The following LIPA variants were observed in gnomAD, a reference collection of about 807,000 sequenced individuals.
LIPA encodes lipase A, lysosomal acid type.
In LIPA, 26 loss-of-function variants were observed where a neutral mutation model predicts 40.6. The observed-to-expected ratio is 0.64, with a 90% CI of 0.47 to 0.89. LIPA has a LOEUF of 0.89. LIPA is among the 40% of genes least tolerant of loss of function. LIPA has a pLI of 0.00. For missense variants in LIPA, 455 were observed against 479.6 expected, an observed-to-expected ratio of 0.95 and a Z score of 0.48; for synonymous variants, 188 against 168.4, an observed-to-expected ratio of 1.12 and a Z score of -0.90.
chr10:89,247,379 C>CAAAAAAAAAAAAAA (rs71022556), intron 2 of LIPA, among the ~76,000 whole-genome samples, 159 bp downstream of exon 2: 5 of 75,448 alleles, frequency 6.6e-5, no homozygotes, highest in Non-Finnish European at 7.2e-5. Flanking sequence ...GACTCTGCCT[C>CAAAAAAAAAAAAAA]AAAAAAAAAA....
chr10:89,382,134 A>T (rs1259713971), intron 2 of LIPA, among the ~76,000 whole-genome samples: 3 of 152,078 alleles, frequency 2.0e-5, no homozygotes, highest in Non-Finnish European at 4.4e-5. Flanking sequence ...TTGTGATTAG[A>T]TTATGGTTAT....
chr10:89,391,001 T>C (rs573300970), intron 2 of LIPA, among the ~76,000 whole-genome samples: 2 of 152,314 alleles, frequency 1.3e-5, no homozygotes, highest in East Asian at 1.9e-4. Flanking sequence ...ACTTTCTAAC[T>C]AGTTGTTGAA....
intron 2 of LIPA, among the ~76,000 whole-genome samples, chr10:89,389,349 C>T (rs1400267907): frequency 6.6e-6 from 1 of 152,272 alleles, no homozygotes; most frequent in East Asian, 1.9e-4. Context: ...CACTACAATG[C>T]CTTCATTTAA....
chr10:89,370,385 G>A (rs1041115427), intron 2 of LIPA, among the ~76,000 whole-genome samples: 9 of 151,336 alleles, frequency 5.9e-5, no homozygotes, highest in East Asian at 3.9e-4. Context: ...CCACCACATC[G>A]GGCTAAGTTT....
chr10:89,263,894 G>T (rs1312674522), intron 1 of LIPA, among the ~76,000 whole-genome samples: 7 of 152,378 alleles, frequency 4.6e-5, no homozygotes, highest in Non-Finnish European at 1.5e-5. Context: ...GGGGTGGGCA[G>T]CTGCAGGCAC....
At chr10:89,295,015 T>TAG (rs1843404066) in intron 1 of LIPA, among the ~76,000 whole-genome samples, 8 of 60,258 alleles carry the variant, frequency 1.3e-4, no homozygotes, top group Admixed American at 1.3e-3. Flanking sequence ...GGAAAGGAAA[T>TAG]GAAATGAAAG....
At chr10:89,396,637 C>T (rs1031265453) in intron 2 of LIPA, among the ~76,000 whole-genome samples, 1 of 152,154 alleles carries the variant, frequency 6.6e-6, no homozygotes, top group African/African-American at 2.4e-5. Context: ...CCCACTAGAC[C>T]CTACCTCCAA....
intron 1 of LIPA, among the ~76,000 whole-genome samples, chr10:89,336,084 TG>T (rs1202735429): frequency 7.0e-6 from 1 of 142,538 alleles, no homozygotes; most frequent in Non-Finnish European, 1.5e-5. Flanking sequence ...GAGACCACTC[TG>T]GGCAATATAG....
intron 4 of LIPA, 135 bp downstream of exon 4, chr10:89,228,065 C>G: frequency 1.3e-6 from 1 of 742,464 alleles, no homozygotes; most frequent in Non-Finnish European, 2.4e-6. Context: ...ACATTTAAAA[C>G]CTTTCAAAAG....
At chr10:89,258,340 T>C (rs1374163321) in intron 1 of LIPA, among the ~76,000 whole-genome samples, 1 of 151,904 alleles carries the variant, frequency 6.6e-6, no homozygotes, top group African/African-American at 2.4e-5. Flanking sequence ...TGGAAAAAAA[T>C]TGGAGAAAAT....
At chr10:89,408,148 C>G (rs1403349969) in intron 2 of LIPA, among the ~76,000 whole-genome samples, 1 of 152,150 alleles carries the variant, frequency 6.6e-6, no homozygotes, top group Non-Finnish European at 1.5e-5. Context: ...TGAAATGCAT[C>G]CTAAGCCATT....
At chr10:89,362,361 T>C (rs1274245646) in intron 2 of LIPA, 1 of 153,832 alleles carries the variant, frequency 6.5e-6, no homozygotes, top group Non-Finnish European at 1.5e-5. Flanking sequence ...ACATGGGGGT[T>C]GCTAATTGAA....
chr10:89,295,917 C>G (rs763855772), intron 1 of LIPA, among the ~76,000 whole-genome samples: 4 of 152,192 alleles, frequency 2.6e-5, no homozygotes, highest in Non-Finnish European at 4.4e-5. Context: ...TGATGCATAC[C>G]TGCTGTGGTA....
chr10:89,223,619 T>C, intron 7 of LIPA, 65 bp downstream of exon 7: 1 of 1,301,004 alleles, frequency 7.7e-7, no homozygotes, highest in Admixed American at 1.7e-5. Flanking sequence ...TCCCATATCA[T>C]TCAACACAAA....
At chr10:89,238,614 ACTC>A (rs933482809) in intron 3 of LIPA, among the ~76,000 whole-genome samples, 2 of 151,888 alleles carry the variant, frequency 1.3e-5, no homozygotes, top group African/African-American at 2.4e-5. Flanking sequence ...AGCAAGACCA[ACTC>A]CTCCTCTTCC....
chr10:89,339,274 C>A, intron 1 of LIPA: 1 of 1,614,132 alleles, frequency 6.2e-7, no homozygotes, highest in Non-Finnish European at 8.5e-7. Flanking sequence ...TCCTGATAAC[C>A]AATACGTCAA....
Position 89,250,895 on chromosome 10 carries a change from G to A in LIPA, c.-2+842C>T, listed in dbSNP as rs138225626. The stretch of plus-strand genomic sequence containing the variant: ...CAGGCTGAATTAAGTGTGCTTTTCT[G>A]GGCTGTATTAACACCTTTATCTCAG... On this transcript the variant is annotated intron_variant, in intron 1 of 9. Transcript: ENST00000336233. Among the ~76,000 whole-genome samples, 87 of 152,264 alleles carry A rather than the reference G, an allele frequency of 5.7e-4. 2 individuals carry two copies. The highest frequency in any genetic ancestry group is 2.0e-3 in the African/African-American group (83 of 41,542).
chr10:89,398,534 A>T (rs1261359092), intron 2 of LIPA, among the ~76,000 whole-genome samples: 1 of 152,162 alleles, frequency 6.6e-6, no homozygotes, highest in Non-Finnish European at 1.5e-5. Flanking sequence ...TCTGTGGGAC[A>T]GACCCGGCAC....
At chr10:89,261,413 G>A (rs1034166821) in intron 1 of LIPA, among the ~76,000 whole-genome samples, 10 of 152,206 alleles carry the variant, frequency 6.6e-5, no homozygotes, top group Non-Finnish European at 1.2e-4. Context: ...GCTGAGGCAG[G>A]AGAATCGCTT....
Sources: allele counts gnomAD v4.1 joint callset (sites outside exome capture counted in the v4.1 genomes callset), GRCh38; gene constraint gnomAD v4.1.1; transcripts MANE v1.5; gene names NCBI Gene and HGNC (gene_info 2026-07-23, HGNC 2026-07-21).